BMPR1B: variants seen among roughly 807,000 people sequenced by gnomAD.
BMPR1B encodes the protein bone morphogenetic protein receptor type 1B, also known as bone morphogenetic protein receptor type-1B.
Under a neutral mutation model 59.1 loss-of-function variants are expected in BMPR1B, and 12 were observed. The observed-to-expected ratio is 0.20, with a 90% CI of 0.13 to 0.33. BMPR1B has a LOEUF of 0.33. BMPR1B is among the 10% of genes least tolerant of loss of function. BMPR1B has a pLI of 1.00. For missense variants in BMPR1B, 550 were observed against 610.9 expected, an observed-to-expected ratio of 0.90 and a Z score of 1.05; for synonymous variants, 237 against 207.3, an observed-to-expected ratio of 1.14 and a Z score of -1.23.
chr4:94,991,889 A>T (rs541462635), intron 2 of BMPR1B, among the ~76,000 whole-genome samples: 1 of 152,338 alleles, frequency 6.6e-6, no homozygotes, highest in Non-Finnish European at 1.5e-5. Context: ...TCGAACCAGG[A>T]AACCAAGAAT....
chr4:94,973,624 GA>G lies in BMPR1B; in HGVS notation c.-112-22412del, dbSNP rs550673290. Among the ~76,000 whole-genome samples the G allele has an allele frequency of 1.6e-4, 25 of 152,244 alleles. No homozygotes were observed. In the South Asian group the frequency reaches 5.0e-3, roughly 30 times the overall value. The stretch of plus-strand genomic sequence containing the variant: ...CAGGGTGGGGCCATGGGTTGTTTAG[GA>G]AAAGGCAACATTTGAGCGGGTAAAC... On this transcript the variant is annotated intron_variant, in intron 2 of 12. Transcript: ENST00000515059.
intron 3 of BMPR1B, among the ~76,000 whole-genome samples, chr4:95,081,701 A>G (rs895313069): frequency 1.3e-5 from 2 of 152,184 alleles, no homozygotes; most frequent in Non-Finnish European, 2.9e-5. Context: ...GTAACTTTTA[A>G]GAAACTCCGT....
intron 6 of BMPR1B, among the ~76,000 whole-genome samples, chr4:95,116,421 G>GCGCGCGCGCGCGCACA: frequency 1.1e-4 from 13 of 123,248 alleles, no homozygotes; most frequent in African/African-American, 4.3e-4. Flanking sequence ...TTCAGCGCGC[G>GCGCGCGCGCGCGCACA]CACACACACA....
chr4:94,769,596 G>A (rs1369049655), intron 1 of BMPR1B, among the ~76,000 whole-genome samples: 1 of 133,956 alleles, frequency 7.5e-6, no homozygotes, highest in Non-Finnish European at 1.6e-5. Context: ...GGCAACAAGA[G>A]TGAAACACCT....
At chr4:95,071,797 T>C (rs925338785) in intron 3 of BMPR1B, among the ~76,000 whole-genome samples, 6 of 151,750 alleles carry the variant, frequency 4.0e-5, no homozygotes, top group African/African-American at 1.5e-4. Flanking sequence ...TAACCCTTTG[T>C]ATTTGTTTTT....
Position 95,129,859 on chromosome 4 carries a change from C to T in BMPR1B, c.586-3C>T, listed in dbSNP as rs1733188626. The stretch of plus-strand genomic sequence containing the variant: ...ACTAACAGTGTGTTTTGGGATTTCA[C>T]AGGTCCAAAGGACTATAGCTAAGCA... On this transcript the variant is annotated splice_region_variant and splice_polypyrimidine_tract_variant and intron_variant, in intron 8 of 12. Transcript: ENST00000515059. 1 of 1,613,530 alleles carries T rather than the reference C, an allele frequency of 6.2e-7. No homozygotes were observed. Among genetic ancestry groups the T allele is most frequent in the Non-Finnish European group, 8.5e-7 (1 of 1,179,652 alleles).
intron 1 of BMPR1B, among the ~76,000 whole-genome samples, chr4:94,807,763 C>T (rs1290326579): frequency 6.6e-6 from 1 of 152,208 alleles, no homozygotes; most frequent in Non-Finnish European, 1.5e-5. Context: ...TGGCTCACTG[C>T]AACCTCTTCC....
intron 3 of BMPR1B, among the ~76,000 whole-genome samples, chr4:95,085,296 CCT>C (rs999652228): frequency 4.6e-5 from 7 of 152,050 alleles, no homozygotes; most frequent in Non-Finnish European, 1.0e-4. Flanking sequence ...AGGTCGCTCC[CCT>C]GAGACAGCAA....
intron 3 of BMPR1B, among the ~76,000 whole-genome samples, chr4:95,091,222 C>T (rs1729955127): frequency 6.6e-6 from 1 of 151,952 alleles, no homozygotes; most frequent in Non-Finnish European, 1.5e-5. Context: ...TGGTCAGTGA[C>T]ATTTTTTTCA....
intron 10 of BMPR1B, among the ~76,000 whole-genome samples, chr4:95,140,167 C>T (rs1734119144): frequency 6.6e-6 from 1 of 152,152 alleles, no homozygotes; most frequent in Admixed American, 6.5e-5. Flanking sequence ...TCATTGACTA[C>T]TTATTTGTCA....
chr4:95,155,580 T>A lies in BMPR1B; in HGVS notation c.*907T>A, dbSNP rs1735365677. On this transcript the variant is annotated 3_prime_UTR_variant, in exon 13 of 13. Transcript: ENST00000515059. ...GGATCAATATTAAATAAAATTGTCA[T>A]GAGCTGTGTTGAAGACAGGGTGCTT... is the stretch of plus-strand genomic sequence containing the variant. 1 of 147,310 alleles carries A rather than the reference T, an allele frequency of 6.8e-6. No homozygotes were observed. Among genetic ancestry groups the A allele is most frequent in the African/African-American group, 2.5e-5 (1 of 39,312 alleles). 9.1% of individuals were successfully genotyped at this position (147,310 alleles called of 1,614,324 possible). A position where few individuals can be genotyped will look rare whatever the true frequency, so the allele number is the denominator to read the frequency against.
chr4:94,825,796 A>AT (rs1291827921), intron 1 of BMPR1B, among the ~76,000 whole-genome samples: 1 of 152,154 alleles, frequency 6.6e-6, no homozygotes. Flanking sequence ...ATTGCAGTCT[A>AT]TTTTTCTGAA....
intron 1 of BMPR1B, among the ~76,000 whole-genome samples, chr4:94,825,811 AAT>A (rs1251899373): frequency 4.5e-4 from 68 of 152,222 alleles, no homozygotes; most frequent in African/African-American, 1.6e-3. Flanking sequence ...TCTGAATGGA[AAT>A]AGTTTTATTA....
At chr4:94,830,040 GTATA>G (rs1724519705) in intron 1 of BMPR1B, among the ~76,000 whole-genome samples, 1 of 152,088 alleles carries the variant, frequency 6.6e-6, no homozygotes, top group Admixed American at 6.6e-5. Flanking sequence ...TATTATGTAA[GTATA>G]TGACATGGAG....
intron 1 of BMPR1B, among the ~76,000 whole-genome samples, chr4:94,874,028 C>A (rs1200693029): frequency 6.6e-6 from 1 of 152,098 alleles, no homozygotes; most frequent in East Asian, 1.9e-4. Flanking sequence ...CAGTGTTTGT[C>A]TTGTAGTGAC....
At chr4:95,123,770 A>G in intron 6 of BMPR1B, 40 bp from the exon 7 acceptor site, 1 of 1,458,148 alleles carries the variant, frequency 6.9e-7, no homozygotes. Context: ...TTAAGTAAAA[A>G]TATTCTCTTG....
At chr4:95,146,615 A>G (rs776065908) in intron 10 of BMPR1B, among the ~76,000 whole-genome samples, 3 of 152,236 alleles carry the variant, frequency 2.0e-5, no homozygotes, top group Non-Finnish European at 2.9e-5. Flanking sequence ...TCTGGAATAC[A>G]GTGGAGGTCT....
Position 94,993,572 on chromosome 4 carries a change from C to T in BMPR1B, c.-112-2468C>T, listed in dbSNP as rs530763829. ...GTCAGGAGTTTGAGACCAGCCTGGC[C>T]AACATGGCAAAACACCCATCTCTAC... On this transcript the variant is annotated intron_variant, in intron 2 of 12. Transcript: ENST00000515059. 2.6e-5 allele frequency among the ~76,000 whole-genome samples: 4 copies of T among 151,772 alleles called. No homozygotes were observed. In the South Asian group the frequency reaches 6.3e-4, roughly 24 times the overall value.
intron 2 of BMPR1B, among the ~76,000 whole-genome samples, chr4:94,904,423 G>A (rs1467355897): frequency 6.6e-6 from 1 of 152,036 alleles, no homozygotes; most frequent in African/African-American, 2.4e-5. Flanking sequence ...TAATGTGATA[G>A]CAGATAGGGA....
Sources: allele counts gnomAD v4.1 joint callset (sites outside exome capture counted in the v4.1 genomes callset), GRCh38; gene constraint gnomAD v4.1.1; transcripts MANE v1.5; gene names NCBI Gene and HGNC (gene_info 2026-07-23, HGNC 2026-07-21).